The following SFR1 variants were observed in gnomAD, a reference collection of about 807,000 sequenced individuals.
The protein encoded by SFR1 is swi5-dependent recombination DNA repair protein 1 homolog.
A neutral mutation model predicts 26.2 loss-of-function variants in SFR1; 24 were observed. That is an observed-to-expected ratio of 0.92 (90% CI 0.66 to 1.29). The LOEUF is 1.29. Among genes scored for constraint, SFR1 ranks in the 50% most tolerant of loss-of-function variants. The pLI, the probability that SFR1 is intolerant of heterozygous loss-of-function variation, is 0.00. For synonymous variants in SFR1, 77 were observed against 96.6 expected, an observed-to-expected ratio of 0.80 and a Z score of 1.19; for missense variants, 276 against 270.2, an observed-to-expected ratio of 1.02 and a Z score of -0.15.
Position 104,125,624 on chromosome 10 carries a change from AC to A in SFR1, c.659del (p.Thr220IlefsTer3). On this transcript the variant is annotated frameshift_variant, in exon 4 of 4. Transcript: ENST00000369727. LOFTEE classifies it high-confidence loss of function. ...TGAAGAGAACAAGAAACTAAGCCTT[AC>A]TCAATTGATAGACCACTATGGGTTA... The part of the protein sequence containing the change: ...VSEENKKLSL[T>X]QLIDHYGLDD... The A allele has an allele frequency of 6.2e-7, 1 of 1,613,290 alleles. No homozygotes were observed. Among genetic ancestry groups the A allele is most frequent in the Non-Finnish European group, 8.5e-7 (1 of 1,179,282 alleles).
chr10:104,122,278 T>TC (rs1415199805), intron 1 of SFR1, 82 bp downstream of exon 1: 1 of 1,459,208 alleles, frequency 6.9e-7, no homozygotes, highest in African/African-American at 1.5e-5. Context: ...GAGCTCCCTT[T>TC]CCGGGTCTGG....
At chr10:104,120,737 TAAG>T (rs2086952622), upstream of SFR1, among the ~76,000 whole-genome samples, 2 of 152,170 alleles carry the variant, frequency 1.3e-5, no homozygotes, top group African/African-American at 4.8e-5. Flanking sequence ...ATCACCTCAT[TAAG>T]AAGCACATAA....
intron 3 of SFR1, 36 bp downstream of exon 3, chr10:104,124,160 T>G: frequency 6.9e-7 from 1 of 1,445,022 alleles, no homozygotes; most frequent in South Asian, 1.6e-5. Flanking sequence ...ATAATTTTTA[T>G]TTTTACATAA....
Position 104,123,934 on chromosome 10 carries a change from T to A in SFR1, c.356T>A (p.Leu119Ter), listed in dbSNP as rs1273339520. The A allele has an allele frequency of 1.7e-5, 28 of 1,613,586 alleles. No individual in the cohort carries two copies. The highest frequency in any genetic ancestry group is 2.2e-5 in the Non-Finnish European group (26 of 1,179,834). The change falls in exon 3 of 4, where the codon TTG becomes TAG. Residue 119 changes from leucine to a stop codon, truncating the protein, a stop_gained. Transcript: ENST00000369727. LOFTEE classifies it high-confidence loss of function. The part of the protein sequence containing the change: ...FEENTNLKNT[L>*]KNLNVCESQS... ...GAAAATACAAATTTGAAAAATACTT[T>A]GAAGAATCTCAATGTCTGTGAATCT...
At chr10:104,123,574 G>T in intron 2 of SFR1, 140 bp from the exon 3 acceptor site, 1 of 569,510 alleles carries the variant, frequency 1.8e-6, no homozygotes, top group Non-Finnish European at 2.9e-6. Flanking sequence ...GTCATTTTGT[G>T]ATGCCTTCTT....
At position 104,124,003 on chromosome 10, in the gene SFR1, T is replaced by C. The variant is rs1286376148; in HGVS notation, c.425T>C (p.Phe142Ser). 17 of 1,613,888 alleles carry C rather than the reference T, an allele frequency of 1.1e-5. No homozygotes were observed. Among genetic ancestry groups the C allele is most frequent in the Non-Finnish European group, 1.4e-5 (17 of 1,179,968 alleles). The change falls in exon 3 of 4, where the codon TTT (phenylalanine) becomes TCT (serine). Residue 142 changes from phenylalanine (F) to serine (S), a missense_variant. Phe to Ser is a radical substitution (Grantham distance 155). Transcript: ENST00000369727. Reference sequence around the variant, plus strand: ...TCATGCAGTGCTCTCCAAAATGAGTTTGTGAGTGAGAAGCTTCCTAAACAA... The same window carrying C: ...TCATGCAGTGCTCTCCAAAATGAGTCTGTGAGTGAGAAGCTTCCTAAACAA... ...SGSCSALQNEFVSEKLPKQRL... is the reference protein window; with the variant it reads ...SGSCSALQNESVSEKLPKQRL...
chr10:104,122,551 G>T, intron 1 of SFR1: 1 of 985,430 alleles, frequency 1.0e-6, no homozygotes, highest in Non-Finnish European at 1.2e-6. Context: ...ACAGCTTGTA[G>T]AGTTCAGGAT....
chr10:104,123,728 A>T lies in SFR1; in HGVS notation c.150A>T (p.Thr50=), dbSNP rs2086994206. Residue 50 remains threonine (T), a synonymous_variant, in exon 3 of 4, where the codon ACA becomes ACT. Coordinates refer to ENST00000369727, the MANE Select transcript of SFR1 (RefSeq NM_001002759.2). ...GCTCTTTATAGCCTATGAGTGCAAC[A>T]CTTAGAGAAAGATTAAGGAAAACAA... is the stretch of plus-strand genomic sequence containing the variant. ...NSSRKQPMSA[T]LRERLRKTRF... is the part of the protein sequence containing the mutation. 6.3e-7 allele frequency: 1 copy of T among 1,596,142 alleles called. No individual in the cohort carries two copies. The highest frequency in any genetic ancestry group is 1.4e-5 in the African/African-American group (1 of 73,672).
upstream of SFR1, among the ~76,000 whole-genome samples, chr10:104,121,113 G>T (rs573895126): frequency 1.3e-5 from 2 of 151,936 alleles, no homozygotes; most frequent in Admixed American, 6.5e-5. Context: ...GGGCGCGGGG[G>T]GGGGATTTTC....
chr10:104,121,570 A>T (rs910965415), upstream of SFR1, among the ~76,000 whole-genome samples: 6 of 152,154 alleles, frequency 3.9e-5, no homozygotes, highest in Non-Finnish European at 8.8e-5. Context: ...GCCTCTGGGG[A>T]GTCCACAAGC....
chr10:104,122,810 T>G, intron 1 of SFR1, 155 bp from the exon 2 acceptor site: 1 of 1,528,338 alleles, frequency 6.5e-7, no homozygotes, highest in African/African-American at 1.4e-5. Flanking sequence ...AATGGAAAAC[T>G]GCAAAAAGAG....
At chr10:104,122,243 C>G (rs370401225) in intron 1 of SFR1, 47 bp downstream of exon 1, 3 of 1,512,606 alleles carry the variant, frequency 2.0e-6, no homozygotes, top group Admixed American at 4.2e-5. Context: ...TGGGCTTCCC[C>G]GGGAGTCGGC....
Position 104,123,793 on chromosome 10 carries a change from T to A in SFR1, c.215T>A (p.Leu72His), listed in dbSNP as rs200476133. ...TCCTCTTACAATGTGGTGAAACGTC[T>A]TAAAGTAGAGAGTGAAGAAAATGAT... The part of the protein sequence containing the change: ...FNSSYNVVKR[L>H]KVESEENDQT... The change falls in exon 3 of 4, where the codon CTT (leucine) becomes CAT (histidine). Residue 72 changes from leucine (L) to histidine (H), a missense_variant. Coordinates refer to ENST00000369727, the MANE Select transcript of SFR1 (RefSeq NM_001002759.2). 6.2e-7 allele frequency: 1 copy of A among 1,612,658 alleles called. No individual in the cohort carries two copies. Among genetic ancestry groups the A allele is most frequent in the Admixed American group, 1.7e-5 (1 of 59,876 alleles).
chr10:104,123,161 A>G (rs911587368), intron 2 of SFR1, 75 bp downstream of exon 2: 21 of 1,174,316 alleles, frequency 1.8e-5, no homozygotes, highest in Middle Eastern at 2.0e-4. Flanking sequence ...TTTAAATTCT[A>G]CGGAAGGTTG....
Position 104,125,758 on chromosome 10 carries a change from A to T in SFR1, c.*54A>T. On this transcript the variant is annotated 3_prime_UTR_variant, in exon 4 of 4. Coordinates refer to ENST00000369727, the MANE Select transcript of SFR1 (RefSeq NM_001002759.2). The stretch of plus-strand genomic sequence containing the variant: ...GAGAATGACAACTTAATTAAAAGAT[A>T]CTTAGGCACTTTTTTTTTTTTTTTG... 1 of 1,271,916 alleles carries T rather than the reference A, an allele frequency of 7.9e-7. No homozygotes were observed. The highest frequency in any genetic ancestry group is 1.1e-6 in the Non-Finnish European group (1 of 917,626). 78.8% of individuals were successfully genotyped at this position (1,271,916 alleles called of 1,614,324 possible). A position where few individuals can be genotyped will look rare whatever the true frequency, so the allele number is the denominator to read the frequency against.
intron 1 of SFR1, chr10:104,122,699 A>G (rs1215929886): frequency 3.6e-6 from 5 of 1,377,814 alleles, no homozygotes; most frequent in African/African-American, 1.5e-5. Context: ...ATTTGAATAT[A>G]TTTTGGTGGA....
chr10:104,122,495 G>T (rs11191927), intron 1 of SFR1: 2 of 985,164 alleles, frequency 2.0e-6, no homozygotes, highest in Non-Finnish European at 2.4e-6. Flanking sequence ...ATGCGTCTCC[G>T]CTGTGTTTCT....
Position 104,125,703 on chromosome 10 carries a change from A to G in SFR1, c.737A>G (p.Ter246=), listed in dbSNP as rs775674518. The G allele has an allele frequency of 1.3e-6, 2 of 1,564,886 alleles. No homozygotes were observed. The highest frequency in any genetic ancestry group is 3.8e-5 in the Admixed American group (2 of 52,744). Residue 246 remains the stop codon, a stop_retained_variant, in exon 4 of 4, where the codon TAA becomes TGA. Coordinates refer to ENST00000369727, the MANE Select transcript of SFR1 (RefSeq NM_001002759.2). Reference sequence around the variant, plus strand: ...AGTGAAGAAGAATTTATAGATGTTTAATTCCTGATTTTTGCTCCAGAATAT... The same window carrying G: ...AGTGAAGAAGAATTTATAGATGTTTGATTCCTGATTTTTGCTCCAGAATAT... ...NRSEEEFIDV[*]
Position 104,122,200 on chromosome 10 carries a change from C to G in SFR1, c.13+4C>G. The G allele has an allele frequency of 1.2e-5, 18 of 1,544,276 alleles. No individual in the cohort carries two copies. Among genetic ancestry groups the G allele is most frequent in the South Asian group, 2.4e-5 (2 of 83,848 alleles). The stretch of plus-strand genomic sequence containing the variant: ...TCGCTGGGAATGGCGGAGGGAGGTA[C>G]CCTGCTGAGGGGAAGGGGGGATCCC... On this transcript the variant is annotated splice_donor_region_variant and intron_variant, in intron 1 of 3. Coordinates refer to ENST00000369727, the MANE Select transcript of SFR1 (RefSeq NM_001002759.2).
Sources: allele counts gnomAD v4.1 joint callset (sites outside exome capture counted in the v4.1 genomes callset), GRCh38; gene constraint gnomAD v4.1.1; transcripts MANE v1.5; gene names NCBI Gene and HGNC (gene_info 2026-07-23, HGNC 2026-07-21).